TYR: variants seen among roughly 807,000 people sequenced by gnomAD.
The protein encoded by TYR is tyrosinase.
In TYR, 58 loss-of-function variants were observed where a neutral mutation model predicts 51.5. The ratio of observed to expected loss-of-function variants is 1.13; its 90% confidence interval spans 0.91 to 1.40. The LOEUF is 1.40. TYR is among the 40% of genes most tolerant of loss of function. TYR has a pLI of 0.00. For missense variants in TYR, 732 were observed against 647.4 expected, an observed-to-expected ratio of 1.13 and a Z score of -1.42; for synonymous variants, 263 against 235.2, an observed-to-expected ratio of 1.12 and a Z score of -1.08.
intron 3 of TYR, among the ~76,000 whole-genome samples, chr11:89,262,847 C>CAAAAAAAAAAAAA (rs771958187): frequency 1.2e-3 from 24 of 19,288 alleles, no homozygotes; most frequent in Admixed American, 3.0e-3. Flanking sequence ...GCTACTCATC[C>CAAAAAAAAAAAAA]AAAAAAAAAA....
intron 2 of TYR, among the ~76,000 whole-genome samples, chr11:89,203,899 C>T (rs912379895): frequency 6.6e-6 from 1 of 152,192 alleles, no homozygotes; most frequent in Non-Finnish European, 1.5e-5. Flanking sequence ...GAGGCACAAT[C>T]CCCACCCAAG....
intron 2 of TYR, among the ~76,000 whole-genome samples, chr11:89,218,885 T>C (rs1837852344): frequency 6.6e-6 from 1 of 152,188 alleles, no homozygotes; most frequent in Admixed American, 6.5e-5. Flanking sequence ...AAGTTTTAGA[T>C]GCAGCTAGAG....
intron 2 of TYR, among the ~76,000 whole-genome samples, chr11:89,196,956 TCAC>T (rs1281787477): frequency 3.3e-5 from 5 of 152,172 alleles, no homozygotes; most frequent in Non-Finnish European, 7.3e-5. Context: ...ACTGAAAAGC[TCAC>T]CATCAAGTGA....
chr11:89,198,029 C>A lies in TYR; in HGVS notation c.1036+6611C>A, dbSNP rs572537246. 2.5e-4 allele frequency among the ~76,000 whole-genome samples: 38 copies of A among 152,106 alleles called. 1 individual carries two copies. The South Asian group carries it at 7.9e-3, about 32-fold the overall frequency. ...CAAGGACTTTTTAAGGAGCAATCTACAGAGTGGTAAATGAGCTGTGGGCTT... is the reference window on the plus strand; with the variant it reads ...CAAGGACTTTTTAAGGAGCAATCTAAAGAGTGGTAAATGAGCTGTGGGCTT... On this transcript the variant is annotated intron_variant, in intron 2 of 4. Coordinates refer to ENST00000263321, the MANE Select transcript of TYR (RefSeq NM_000372.5).
At chr11:89,278,889 T>G (rs2135320114) in intron 3 of TYR, among the ~76,000 whole-genome samples, 1 of 151,868 alleles carries the variant, frequency 6.6e-6, no homozygotes, top group Non-Finnish European at 1.5e-5. Context: ...TCAGACTTTC[T>G]TTGTTTTTTT....
intron 3 of TYR, among the ~76,000 whole-genome samples, chr11:89,235,710 G>T (rs1433154656): frequency 6.6e-6 from 1 of 151,524 alleles, no homozygotes; most frequent in Admixed American, 6.6e-5. Flanking sequence ...GAAAATGTTA[G>T]TTGAAGGGTA....
Position 89,284,890 on chromosome 11 carries a change from A to C in TYR, c.1302A>C (p.Arg434Ser). ...SYMVPFIPLY[R>S]NGDFFISSKD... ...TGGTTCCTTTTATACCACTGTACAGAAATGGTGATTTCTTTATTTCATCCA... is the reference window on the plus strand; with the variant it reads ...TGGTTCCTTTTATACCACTGTACAGCAATGGTGATTTCTTTATTTCATCCA... The change falls in exon 4 of 5, where the codon AGA becomes AGC. Residue 434 changes from arginine to serine, a missense_variant. Transcript: ENST00000263321. The C allele has an allele frequency of 6.2e-7, 1 of 1,611,896 alleles. No individual in the cohort carries two copies. Among genetic ancestry groups the C allele is most frequent in the East Asian group, 2.2e-5 (1 of 44,800 alleles).
intron 1 of TYR, among the ~76,000 whole-genome samples, chr11:89,185,518 T>C (rs889527137): frequency 6.6e-6 from 1 of 152,074 alleles, no homozygotes; most frequent in Admixed American, 6.6e-5. Context: ...TAAACAACAA[T>C]GTGAAAATAA....
chr11:89,249,116 G>A (rs778333885), intron 3 of TYR, among the ~76,000 whole-genome samples: 4 of 152,024 alleles, frequency 2.6e-5, no homozygotes, highest in Admixed American at 6.6e-5. Flanking sequence ...ATAGATACCC[G>A]AAAGAGGCTG....
At chr11:89,284,612 A>G (rs1474223181) in intron 3 of TYR, among the ~76,000 whole-genome samples, 161 bp from the exon 4 acceptor site, 2 of 151,962 alleles carry the variant, frequency 1.3e-5, no homozygotes, top group African/African-American at 2.4e-5. Context: ...CTGAAAGAAT[A>G]AACTAATACT....
chr11:89,272,318 A>G (rs1190309945), intron 3 of TYR, among the ~76,000 whole-genome samples: 1 of 151,864 alleles, frequency 6.6e-6, no homozygotes, highest in Non-Finnish European at 1.5e-5. Flanking sequence ...AATGAAAGCA[A>G]TATTCATCTC....
chr11:89,233,992 A>G lies in TYR; in HGVS notation c.1184+6022A>G, dbSNP rs1944082098. On this transcript the variant is annotated intron_variant, in intron 3 of 4. Coordinates refer to ENST00000263321, the MANE Select transcript of TYR (RefSeq NM_000372.5). ...AATCCTTTATTATCCTTTGAGCATT[A>G]ATTTCTCCTTAGTAGCTGTGAAAGT... 2.1e-5 allele frequency among the ~76,000 whole-genome samples: 3 copies of G among 143,410 alleles called. No individual in the cohort carries two copies. In the South Asian group the frequency reaches 6.9e-4, roughly 33 times the overall value. The allele number at this position is 143,410 out of a possible 152,430, so 94.1% of individuals were successfully genotyped here. A position where few individuals can be genotyped will look rare whatever the true frequency, so the allele number is the denominator to read the frequency against.
chr11:89,244,179 T>C (rs534942401), intron 3 of TYR, among the ~76,000 whole-genome samples: 1 of 152,316 alleles, frequency 6.6e-6, no homozygotes, highest in South Asian at 2.1e-4. Context: ...ATTTTATCAT[T>C]TGCCTATACT....
intron 3 of TYR, among the ~76,000 whole-genome samples, chr11:89,248,486 C>A (rs1437209212): frequency 2.0e-5 from 3 of 151,890 alleles, no homozygotes; most frequent in East Asian, 3.9e-4. Flanking sequence ...TTTTAGGAAG[C>A]AGAAGGCACA....
chr11:89,288,105 G>A (rs1944813335), intron 4 of TYR, among the ~76,000 whole-genome samples: 1 of 151,880 alleles, frequency 6.6e-6, no homozygotes, highest in East Asian at 1.9e-4. Flanking sequence ...ATATGGGACG[G>A]CAAGGTGAAT....
chr11:89,272,541 C>T (rs539928589), intron 3 of TYR, among the ~76,000 whole-genome samples: 1 of 151,878 alleles, frequency 6.6e-6, no homozygotes, highest in South Asian at 2.1e-4. Flanking sequence ...GGCCTTTGGA[C>T]TTTTGGAATG....
At chr11:89,288,486 G>A (rs1223669345) in intron 4 of TYR, among the ~76,000 whole-genome samples, 1 of 151,996 alleles carries the variant, frequency 6.6e-6, no homozygotes, top group Non-Finnish European at 1.5e-5. Context: ...TTTCCTGGAT[G>A]AGCCAGGGGA....
intron 3 of TYR, among the ~76,000 whole-genome samples, chr11:89,238,260 A>G (rs1944145260): frequency 6.6e-6 from 1 of 152,136 alleles, no homozygotes; most frequent in South Asian, 2.1e-4. Flanking sequence ...TTTATTCCTA[A>G]GAATTTTTAA....
intron 1 of TYR, among the ~76,000 whole-genome samples, chr11:89,182,499 T>TA (rs2135245640): frequency 6.6e-6 from 1 of 152,248 alleles, no homozygotes; most frequent in South Asian, 2.1e-4. Flanking sequence ...AGAAAGACAA[T>TA]ACAAGAGAGA....
Sources: allele counts gnomAD v4.1 joint callset (sites outside exome capture counted in the v4.1 genomes callset), GRCh38; gene constraint gnomAD v4.1.1; transcripts MANE v1.5; gene names NCBI Gene and HGNC (gene_info 2026-07-23, HGNC 2026-07-21).